COL11A1: variants seen among roughly 807,000 people sequenced by gnomAD.
The protein encoded by COL11A1 is collagen type XI alpha 1 chain.
In COL11A1, 74 loss-of-function variants were observed where a neutral mutation model predicts 265.2. The ratio of observed to expected loss-of-function variants is 0.28; its 90% CI spans 0.23 to 0.34. The LOEUF is 0.34. Among genes scored for constraint, COL11A1 ranks in the 10% least tolerant of loss-of-function variants. The pLI is 1.00. For missense variants in COL11A1, 2,165 were observed against 2,263.6 expected (o/e 0.96, Z 0.88); for synonymous variants, 816 against 727.6 (o/e 1.12, Z -1.96).
chr1:102,987,677 C>A lies in COL11A1; in HGVS notation c.2458G>T (p.Gly820Cys). The stretch of plus-strand genomic sequence containing the variant: ...GAAGGACCTGGGTCTCCAGTTGGGC[C>A]TGCTCGACCTTTGGGTCCTTCAGGG... Reference protein sequence around the residue: ...DGPEGPKGRAGPTGDPGPSGQ... With the variant: ...DGPEGPKGRACPTGDPGPSGQ... The change falls in exon 30 of 67, where the codon GGC becomes TGC. Residue 820 changes from glycine (G) to cysteine (C), a missense_variant. Coordinates refer to ENST00000370096, the MANE Select transcript of COL11A1 (RefSeq NM_001854.4). 6.2e-7 allele frequency: 1 copy of A among 1,613,572 alleles called. No individual in the cohort carries two copies. Among genetic ancestry groups the A allele is most frequent in the Non-Finnish European group, 8.5e-7 (1 of 1,179,706 alleles).
chr1:102,949,509 G>C (rs969553061), intron 41 of COL11A1, among the ~76,000 whole-genome samples: 2 of 152,040 alleles, frequency 1.3e-5, no homozygotes, highest in Non-Finnish European at 2.9e-5. Context: ...ATGGGTACTA[G>C]ACTAGAATGA....
Position 102,879,570 on chromosome 1 carries a change from G to A in COL11A1, c.5274+113C>T, listed in dbSNP as rs370168204. 5.7e-6 allele frequency: 5 copies of A among 881,976 alleles called. No homozygotes were observed. In the African/African-American group the frequency reaches 8.3e-5, roughly 15 times the overall value. 54.6% of individuals were successfully genotyped at this position (881,976 alleles called of 1,614,324 possible). ...AACATGTCAAGATTAAGCAACAAAT[G>A]TTAATAACAACTGACGTCCATTTCA... is the stretch of plus-strand genomic sequence containing the variant. On this transcript the variant is annotated intron_variant, in intron 66 of 66. Coordinates refer to ENST00000370096, the MANE Select transcript of COL11A1 (RefSeq NM_001854.4).
At chr1:103,104,853 T>G (rs777788494) in intron 1 of COL11A1, among the ~76,000 whole-genome samples, 18 of 152,294 alleles carry the variant, frequency 1.2e-4, no homozygotes, top group Middle Eastern at 3.4e-3. Context: ...AGGAACCAAA[T>G]GGACAAATTC....
intron 4 of COL11A1, among the ~76,000 whole-genome samples, chr1:103,052,962 CT>C (rs1472559520): frequency 6.6e-6 from 1 of 152,178 alleles, no homozygotes; most frequent in Non-Finnish European, 1.5e-5. Context: ...AAGATGATTT[CT>C]TCTTTAAAAA....
At chr1:103,059,493 G>C (rs1334217956) in intron 4 of COL11A1, among the ~76,000 whole-genome samples, 1 of 152,074 alleles carries the variant, frequency 6.6e-6, no homozygotes, top group African/African-American at 2.4e-5. Flanking sequence ...ATACTGCAAG[G>C]AAAAGAAACT....
intron 4 of COL11A1, among the ~76,000 whole-genome samples, chr1:103,044,165 GTT>G (rs367743704): frequency 7.1e-6 from 1 of 141,594 alleles, no homozygotes; most frequent in Non-Finnish European, 1.5e-5. Context: ...ACTCTCACCA[GTT>G]TTTTTTTTTT....
intron 42 of COL11A1, among the ~76,000 whole-genome samples, chr1:102,940,879 G>A (rs570428130): frequency 1.3e-5 from 2 of 152,156 alleles, no homozygotes; most frequent in South Asian, 2.1e-4. Context: ...TTATTTTTAA[G>A]TGTTTGTTTT....
At chr1:102,959,998 T>C (rs571696213) in intron 41 of COL11A1, among the ~76,000 whole-genome samples, 1 of 152,160 alleles carries the variant, frequency 6.6e-6, no homozygotes, top group African/African-American at 2.4e-5. Flanking sequence ...TTTACTGAAA[T>C]TTTAGAAGAT....
intron 62 of COL11A1, among the ~76,000 whole-genome samples, chr1:102,887,844 G>C (rs1651198441): frequency 6.6e-6 from 1 of 152,114 alleles, no homozygotes; most frequent in Non-Finnish European, 1.5e-5. Flanking sequence ...AAGATAATGT[G>C]AAGAGACACA....
At chr1:102,912,790 T>C (rs1275398379) in intron 53 of COL11A1, among the ~76,000 whole-genome samples, 3 of 152,146 alleles carry the variant, frequency 2.0e-5, no homozygotes, top group Non-Finnish European at 4.4e-5. Flanking sequence ...GAGTGAGTTC[T>C]CACGAGATCT....
At chr1:103,089,646 A>G (rs937173992) in intron 1 of COL11A1, among the ~76,000 whole-genome samples, 6 of 152,248 alleles carry the variant, frequency 3.9e-5, no homozygotes, top group African/African-American at 1.4e-4. Flanking sequence ...GCTGAAGCAC[A>G]GTAAATAATC....
chr1:103,046,587 T>C (rs1210199148), intron 4 of COL11A1, among the ~76,000 whole-genome samples: 1 of 151,320 alleles, frequency 6.6e-6, no homozygotes, highest in South Asian at 2.1e-4. Flanking sequence ...TTTCTTTTGC[T>C]GTGCAGAAGC....
At chr1:102,908,904 G>A (rs932924814) in intron 54 of COL11A1, among the ~76,000 whole-genome samples, 1 of 152,044 alleles carries the variant, frequency 6.6e-6, no homozygotes, top group East Asian at 1.9e-4. Context: ...GCAGGAATGA[G>A]AGTAACATAA....
chr1:103,079,459 G>C (rs994619823), intron 2 of COL11A1, among the ~76,000 whole-genome samples: 1 of 152,022 alleles, frequency 6.6e-6, no homozygotes, highest in African/African-American at 2.4e-5. Flanking sequence ...CAAGAAGGCA[G>C]ACTCTTTTTC....
rs1303356000 is a variant in COL11A1 at position 103,050,003 on chromosome 1, C to A, written c.652-18759G>T. On this transcript the variant is annotated intron_variant, in intron 4 of 66. Transcript: ENST00000370096. ...CTGATGGGCTTCCCTTTGTGGGTAA[C>A]CCGACCTTTCTCTCTGGCTGCCCTT... 2.0e-5 allele frequency among the ~76,000 whole-genome samples: 3 copies of A among 152,136 alleles called. 1 individual carries two copies. Among genetic ancestry groups the A allele is most frequent in the South Asian group, 2.1e-4 (1 of 4,828 alleles).
rs1242317994 is a variant in COL11A1 at position 102,881,782 on chromosome 1, G to A, written c.4972-17C>T. 2 of 1,608,008 alleles carry A rather than the reference G, an allele frequency of 1.2e-6. No homozygotes were observed. The highest frequency in any genetic ancestry group is 1.7e-6 in the Non-Finnish European group (2 of 1,175,430). On this transcript the variant is annotated splice_polypyrimidine_tract_variant and intron_variant, in intron 64 of 66. Transcript: ENST00000370096. ...AATTCTTACCTGTTGCAAAGGAACA[G>A]AAAAGTTAGTGAGTAGGTGAAAATT...
At chr1:102,939,279 G>A (rs1658471705) in intron 43 of COL11A1, among the ~76,000 whole-genome samples, 191 bp from the exon 44 acceptor site, 1 of 152,106 alleles carries the variant, frequency 6.6e-6, no homozygotes, top group Admixed American at 6.5e-5. Flanking sequence ...TAACAGACAA[G>A]TCCGTTTAAC....
chr1:102,892,474 A>G (rs1160185720), intron 57 of COL11A1, among the ~76,000 whole-genome samples: 3 of 152,144 alleles, frequency 2.0e-5, no homozygotes, highest in Non-Finnish European at 4.4e-5. Flanking sequence ...TTCAGAATAG[A>G]TAAGGTCTGG....
intron 63 of COL11A1, among the ~76,000 whole-genome samples, chr1:102,884,979 C>A (rs1195632663): frequency 2.0e-5 from 3 of 152,144 alleles, no homozygotes; most frequent in Non-Finnish European, 4.4e-5. Flanking sequence ...ACCCTTATTC[C>A]AGAGGGGTTC....
Sources: gnomAD v4.1 joint callset for allele counts (sites outside exome capture counted in the v4.1 genomes callset) on GRCh38, gnomAD v4.1.1 for gene constraint, MANE v1.5 for transcripts, NCBI Gene and HGNC (gene_info 2026-07-23, HGNC 2026-07-21) for gene names.